Variants in SH3BGR observed in about 807,000 individuals in gnomAD.
The protein encoded by SH3BGR is SH3 domain-binding glutamic acid-rich protein.
Under a neutral mutation model 24.5 loss-of-function variants are expected in SH3BGR, and 29 were observed. The observed-to-expected ratio is 1.18, with a 90% CI of 0.88 to 1.61. The LOEUF (loss-of-function observed/expected upper bound fraction) is 1.61. SH3BGR is among the 40% of genes most tolerant of loss of function. The pLI is 0.00. For synonymous variants in SH3BGR, 55 were observed against 65.7 expected (o/e 0.84, Z 0.79); for missense variants, 162 against 205.8 (o/e 0.79, Z 1.30).
chr21:39,488,345 C>T, intron 3 of SH3BGR: 1 of 220,972 alleles, frequency 4.5e-6, no homozygotes, highest in African/African-American at 2.3e-5. Context: ...TCATTGAGAA[C>T]CAGACCGCAG....
rs114677413 is a variant in SH3BGR at position 39,502,362 on chromosome 21, A to C, written c.405+2447A>C. Among the ~76,000 whole-genome samples the C allele has an allele frequency of 7.7e-4, 118 of 152,330 alleles. 1 individual carries two copies. Among genetic ancestry groups the C allele is most frequent in the African/African-American group, 2.7e-3 (114 of 41,566 alleles). On this transcript the variant is annotated intron_variant, in intron 4 of 6. Coordinates refer to ENST00000333634, the MANE Select transcript of SH3BGR (RefSeq NM_007341.3). Reference sequence around the variant, plus strand: ...TTCATGTAGGTATGACACCTCAGATAAATCCAAGGCTTTCAAACTCCTGGC... The same window carrying C: ...TTCATGTAGGTATGACACCTCAGATCAATCCAAGGCTTTCAAACTCCTGGC...
intron 1 of SH3BGR, among the ~76,000 whole-genome samples, chr21:39,457,444 A>G (rs1355178422): frequency 7.2e-6 from 1 of 138,116 alleles, no homozygotes; most frequent in Admixed American, 7.2e-5. Flanking sequence ...AGTTATATAT[A>G]AATCTTATGT....
intron 6 of SH3BGR, among the ~76,000 whole-genome samples, chr21:39,514,628 T>A (rs2078751434): frequency 6.6e-6 from 1 of 152,130 alleles, no homozygotes; most frequent in Non-Finnish European, 1.5e-5. Flanking sequence ...TCCCAAAGTG[T>A]TGGAATTACA....
chr21:39,512,823 AAAC>A (rs943025574), intron 6 of SH3BGR, among the ~76,000 whole-genome samples: 8 of 152,070 alleles, frequency 5.3e-5, no homozygotes, highest in Non-Finnish European at 1.2e-4. Context: ...AAACAAAACA[AAAC>A]AAAACAGAAG....
At chr21:39,469,353 G>A (rs13049451) in intron 2 of SH3BGR, among the ~76,000 whole-genome samples, 51,329 of 150,372 alleles carry the variant, frequency 0.34, 9,274 homozygotes, top group African/African-American at 0.43. Flanking sequence ...TTTTTTGTTC[G>A]TTTGTTTGTT....
intron 4 of SH3BGR, among the ~76,000 whole-genome samples, chr21:39,501,725 GT>G: frequency 6.6e-6 from 1 of 152,292 alleles, no homozygotes; most frequent in Non-Finnish European, 1.5e-5. Flanking sequence ...GAAAAATGTT[GT>G]AAAAACATGA....
At position 39,456,258 on chromosome 21, in the gene SH3BGR, CAG is replaced by C. The variant is rs772361079; in HGVS notation, c.45+4118_45+4119del. 4.1e-4 allele frequency among the ~76,000 whole-genome samples: 62 copies of C among 152,134 alleles called. 1 individual carries two copies. Among genetic ancestry groups the C allele is most frequent in the Non-Finnish European group, 7.1e-4 (48 of 68,028 alleles). On this transcript the variant is annotated intron_variant, in intron 1 of 6. Transcript: ENST00000333634. Reference sequence around the variant, plus strand: ...TAGAAGGCTTTGGAGAAAGAGCAGACAGGGGTTTGGACCGAATAAAGGAGTTG... The same window carrying C: ...TAGAAGGCTTTGGAGAAAGAGCAGACGGGTTTGGACCGAATAAAGGAGTTG...
At chr21:39,482,407 T>C (rs958480187) in intron 3 of SH3BGR, among the ~76,000 whole-genome samples, 30 of 152,248 alleles carry the variant, frequency 2.0e-4, no homozygotes, top group African/African-American at 6.8e-4. Flanking sequence ...AAAGTAACTG[T>C]AAAATATTTA....
At chr21:39,506,652 A>G (rs1022948375) in intron 4 of SH3BGR, among the ~76,000 whole-genome samples, 1 of 152,136 alleles carries the variant, frequency 6.6e-6, no homozygotes, top group South Asian at 2.1e-4. Context: ...GAGACTTACT[A>G]CCACAAGAAC....
At chr21:39,471,749 A>G (rs1388482865) in intron 2 of SH3BGR, among the ~76,000 whole-genome samples, 3 of 152,212 alleles carry the variant, frequency 2.0e-5, no homozygotes, top group African/African-American at 7.2e-5. Flanking sequence ...GGCATGAGCC[A>G]CCACACCCAG....
intron 2 of SH3BGR, among the ~76,000 whole-genome samples, chr21:39,473,474 T>A (rs988492042): frequency 6.6e-6 from 1 of 152,222 alleles, no homozygotes; most frequent in African/African-American, 2.4e-5. Context: ...GATGTTATAT[T>A]CCTTTCAACC....
chr21:39,513,166 T>C (rs533923015), intron 6 of SH3BGR, among the ~76,000 whole-genome samples: 1 of 152,306 alleles, frequency 6.6e-6, no homozygotes, highest in African/African-American at 2.4e-5. Context: ...ATTACATAAT[T>C]ATTTTCCATC....
At chr21:39,450,930 C>A (rs2077566220), upstream of SH3BGR, among the ~76,000 whole-genome samples, 1 of 152,074 alleles carries the variant, frequency 6.6e-6, no homozygotes, top group Non-Finnish European at 1.5e-5. Flanking sequence ...CCTCAGCCTT[C>A]CAAGTCGCTG....
At chr21:39,491,466 T>C in intron 3 of SH3BGR, 1 of 179,476 alleles carries the variant, frequency 5.6e-6, no homozygotes, top group Non-Finnish European at 1.2e-5. Context: ...TTTCAATTTT[T>C]ATTATTTAAA....
intron 1 of SH3BGR, 71 bp from the exon 2 acceptor site, chr21:39,462,304 G>A (rs1489924733): frequency 5.5e-6 from 6 of 1,098,286 alleles, no homozygotes; most frequent in Non-Finnish European, 8.1e-6. Flanking sequence ...ACTAGAGGAA[G>A]GATTTAATTT....
In SH3BGR at chr21:39,511,407, CTGGGTGGTGTG is replaced by C. The variant is rs1188215191; in HGVS notation, c.436-268_436-258del. 7.3e-6 allele frequency among the ~76,000 whole-genome samples: 1 copy of C among 137,080 alleles called. No homozygotes were observed. Among genetic ancestry groups the C allele is most frequent in the Non-Finnish European group, 1.6e-5 (1 of 63,580 alleles). The allele number at this position is 137,080 out of a possible 152,430, so 89.9% of individuals were successfully genotyped here. A position where few individuals can be genotyped will look rare whatever the true frequency, so the allele number is the denominator to read the frequency against. On this transcript the variant is annotated intron_variant, in intron 5 of 6. Coordinates refer to ENST00000333634, the MANE Select transcript of SH3BGR (RefSeq NM_007341.3). The surrounding 1 kb of genome is among the most constrained non-coding windows in gnomAD (Gnocchi z 4.2). The stretch of plus-strand genomic sequence containing the variant: ...GTGGTGTGTGTGCGTGGATGTGTGT[CTGGGTGGTGTG>C]TGGGGGGGTGTGTGTGCTGTGTGTC...
At chr21:39,484,612 G>T (rs2078180688) in intron 3 of SH3BGR, among the ~76,000 whole-genome samples, 1 of 152,116 alleles carries the variant, frequency 6.6e-6, no homozygotes, top group African/African-American at 2.4e-5. Flanking sequence ...GGAAGAAAGG[G>T]ATGGCCACAG....
chr21:39,495,535 A>G (rs2078379415), intron 3 of SH3BGR, among the ~76,000 whole-genome samples: 1 of 150,852 alleles, frequency 6.6e-6, no homozygotes, highest in African/African-American at 2.5e-5. Flanking sequence ...GTGGGAGTGC[A>G]GTGGCATAAT....
At chr21:39,510,088 G>A (rs62222774) in intron 5 of SH3BGR, among the ~76,000 whole-genome samples, 5 of 145,218 alleles carry the variant, frequency 3.4e-5, no homozygotes, top group African/African-American at 8.1e-5. Context: ...GACTACAGGC[G>A]CCCGCCACCG....
Sources: allele counts gnomAD v4.1 joint callset (sites outside exome capture counted in the v4.1 genomes callset), GRCh38; gene constraint gnomAD v4.1.1; non-coding constraint Gnocchi (gnomAD v3.1); transcripts MANE v1.5; gene names NCBI Gene and HGNC (gene_info 2026-07-23, HGNC 2026-07-21).